VPS13B: variants seen among roughly 807,000 people sequenced by gnomAD.
VPS13B encodes the protein intermembrane lipid transfer protein VPS13B.
A neutral mutation model predicts 426.4 loss-of-function variants in VPS13B; 285 were observed. The ratio of observed to expected loss-of-function variants is 0.67; its 90% CI spans 0.61 to 0.74. The LOEUF is 0.74. Among genes scored for constraint, VPS13B ranks in the 30% least tolerant of loss-of-function variants. The pLI is 0.00. For synonymous variants in VPS13B, 1,676 were observed against 1,676.4 expected (o/e 1.00, Z 0.01); for missense variants, 4,537 against 4,782.6 (o/e 0.95, Z 1.51).
At chr8:99,443,684 A>C (rs1817781191) in intron 23 of VPS13B, among the ~76,000 whole-genome samples, 1 of 152,144 alleles carries the variant, frequency 6.6e-6, no homozygotes, top group Admixed American at 6.5e-5. Context: ...ATTCCATCTT[A>C]TGGATATATC....
At chr8:99,425,826 C>G (rs1169575720) in intron 21 of VPS13B, among the ~76,000 whole-genome samples, 1 of 152,190 alleles carries the variant, frequency 6.6e-6, no homozygotes, top group Non-Finnish European at 1.5e-5. Flanking sequence ...CCAAAATCTC[C>G]TTAAGCTGAT....
At chr8:99,299,431 T>C (rs989709797) in intron 19 of VPS13B, among the ~76,000 whole-genome samples, 18 of 152,168 alleles carry the variant, frequency 1.2e-4, no homozygotes, top group South Asian at 2.1e-4. Context: ...TTGTAAGGCT[T>C]AAGTTAAATT....
Position 99,853,814 on chromosome 8 carries a change from A to C in VPS13B, c.10425A>C (p.Lys3475Asn). ...SNKELEEYKE[K>N]CFIKLCITLN... ...AAGAGTTGGAAGAATACAAGGAAAAATGTTTTATCAAACTTTGCATCACCT... is the reference window on the plus strand; with the variant it reads ...AAGAGTTGGAAGAATACAAGGAAAACTGTTTTATCAAACTTTGCATCACCT... Residue 3475 changes from lysine to asparagine, a missense_variant, in exon 56 of 62, where the codon AAA becomes AAC. By Grantham distance (94) the Lys-to-Asn change is moderately conservative (BLOSUM62 0). This residue lies in a region of VPS13B where 4,311 missense variants were observed against 4,474.3 expected (regional missense o/e 0.96). Transcript: ENST00000357162. 6.2e-7 allele frequency: 1 copy of C among 1,614,256 alleles called. No individual in the cohort carries two copies. Among genetic ancestry groups the C allele is most frequent in the Non-Finnish European group, 8.5e-7 (1 of 1,180,054 alleles).
At chr8:99,340,821 C>CT (rs1811199215) in intron 19 of VPS13B, 1 of 330,344 alleles carries the variant, frequency 3.0e-6, no homozygotes, top group African/African-American at 2.2e-5. Flanking sequence ...CGCGGACCGC[C>CT]TCAGAGCCTG....
intron 17 of VPS13B, among the ~76,000 whole-genome samples, chr8:99,258,987 G>C (rs1355084007): frequency 6.6e-6 from 1 of 151,810 alleles, no homozygotes; most frequent in African/African-American, 2.4e-5. Context: ...TCTAATCCCA[G>C]CTTGTATTGT....
At chr8:99,652,063 C>G (rs1588588936) in intron 34 of VPS13B, among the ~76,000 whole-genome samples, 1 of 152,134 alleles carries the variant, frequency 6.6e-6, no homozygotes, top group East Asian at 1.9e-4. Flanking sequence ...TCATAGCACA[C>G]TTCTGTGTAG....
rs191736079 is a variant in VPS13B at position 99,528,812 on chromosome 8, G to T, written c.4745+7802G>T. ...CATTCAAGTTTTTTTCTTTTTAGAA[G>T]TAATAAAGAGAATAGAAATATCAGC... On this transcript the variant is annotated intron_variant, in intron 30 of 61. Transcript: ENST00000357162. Among the ~76,000 whole-genome samples, 771 of 152,120 alleles carry T rather than the reference G, an allele frequency of 5.1e-3. 5 individuals carry two copies. The highest frequency in any genetic ancestry group is 0.017 in the African/African-American group (716 of 41,544).
intron 23 of VPS13B, among the ~76,000 whole-genome samples, chr8:99,456,240 C>T (rs1207867426): frequency 6.6e-6 from 1 of 152,158 alleles, no homozygotes; most frequent in East Asian, 1.9e-4. Context: ...ACAATCTCGG[C>T]TCACTGCAAC....
At chr8:99,534,336 T>C (rs544738314) in intron 30 of VPS13B, among the ~76,000 whole-genome samples, 14 of 152,322 alleles carry the variant, frequency 9.2e-5, no homozygotes, top group African/African-American at 3.1e-4. Context: ...AGTTCTACCA[T>C]CATAAATTTT....
intron 17 of VPS13B, among the ~76,000 whole-genome samples, chr8:99,249,757 G>C (rs1270035287): frequency 6.6e-6 from 1 of 152,138 alleles, no homozygotes; most frequent in African/African-American, 2.4e-5. Context: ...TGCCAAACTT[G>C]GGGCCAGGCA....
intron 35 of VPS13B, among the ~76,000 whole-genome samples, chr8:99,668,280 C>T (rs990715513): frequency 6.6e-6 from 1 of 150,814 alleles, no homozygotes; most frequent in African/African-American, 2.4e-5. Context: ...TGCTTGAGCC[C>T]ATGAGGTCAA....
In VPS13B at chr8:99,289,811, A is replaced by G. The variant is rs553735140; in HGVS notation, c.2824+14557A>G. Among the ~76,000 whole-genome samples the G allele has an allele frequency of 1.3e-4, 20 of 152,272 alleles. No individual in the cohort carries two copies. In the South Asian group the frequency reaches 4.1e-3, roughly 32 times the overall value. On this transcript the variant is annotated intron_variant, in intron 19 of 61. Coordinates refer to ENST00000357162, the MANE Select transcript of VPS13B (RefSeq NM_152564.5). Reference sequence around the variant, plus strand: ...AAAATCAGTTTGATATTGTTGAATCATTAATCATCAGTTATCCTAAAAACA... The same window carrying G: ...AAAATCAGTTTGATATTGTTGAATCGTTAATCATCAGTTATCCTAAAAACA...
Position 99,334,091 on chromosome 8 carries a change from G to T in VPS13B, c.2825-50117G>T, listed in dbSNP as rs114494374. Reference sequence around the variant, plus strand: ...TCTATTGCATACATATTTAGAAGTGGAATTGTTACTATAAGGTAGTTGTAT... The same window carrying T: ...TCTATTGCATACATATTTAGAAGTGTAATTGTTACTATAAGGTAGTTGTAT... On this transcript the variant is annotated intron_variant, in intron 19 of 61. Coordinates refer to ENST00000357162, the MANE Select transcript of VPS13B (RefSeq NM_152564.5). Among the ~76,000 whole-genome samples the T allele has an allele frequency of 2.5e-3, 375 of 151,876 alleles. 3 individuals are homozygous for T. Among genetic ancestry groups the T allele is most frequent in the African/African-American group, 8.0e-3 (330 of 41,486 alleles).
At chr8:99,119,164 G>A (rs1305560332) in intron 7 of VPS13B, among the ~76,000 whole-genome samples, 1 of 151,962 alleles carries the variant, frequency 6.6e-6, no homozygotes, top group Non-Finnish European at 1.5e-5. Context: ...GCCTTTATCT[G>A]CCTTTGTGAA....
At chr8:99,529,988 G>A (rs896434053) in intron 30 of VPS13B, among the ~76,000 whole-genome samples, 2 of 151,998 alleles carry the variant, frequency 1.3e-5, no homozygotes, top group Admixed American at 6.6e-5. Flanking sequence ...CTTATTATGC[G>A]CCTTTCTGTG....
At chr8:99,114,683 G>A (rs1180832863) in intron 6 of VPS13B, among the ~76,000 whole-genome samples, 1 of 152,128 alleles carries the variant, frequency 6.6e-6, no homozygotes, top group Non-Finnish European at 1.5e-5. Context: ...TTAAAAGCTT[G>A]TGCTCATATT....
intron 21 of VPS13B, among the ~76,000 whole-genome samples, chr8:99,398,910 C>A (rs181075523): frequency 1.3e-5 from 2 of 151,754 alleles, no homozygotes; most frequent in East Asian, 3.9e-4. Context: ...TACAGGGAAC[C>A]AGTTTTTCAG....
At chr8:99,097,459 A>G (rs1037891907) in intron 4 of VPS13B, among the ~76,000 whole-genome samples, 1 of 152,136 alleles carries the variant, frequency 6.6e-6, no homozygotes, top group Non-Finnish European at 1.5e-5. Flanking sequence ...CAAAGAGTTA[A>G]CTGTTTAGGA....
chr8:99,105,868 T>A (rs1342061228), intron 5 of VPS13B, among the ~76,000 whole-genome samples: 1 of 152,152 alleles, frequency 6.6e-6, no homozygotes, highest in Non-Finnish European at 1.5e-5. Flanking sequence ...GAGTCATTTA[T>A]AAAATGACTG....
Sources: allele counts gnomAD v4.1 joint callset (sites outside exome capture counted in the v4.1 genomes callset), GRCh38; gene constraint gnomAD v4.1.1; regional missense constraint gnomAD v4.1.1; transcripts MANE v1.5; gene names NCBI Gene and HGNC (gene_info 2026-07-23, HGNC 2026-07-21).